The following FALEC variants were observed in gnomAD, a reference collection of about 807,000 sequenced individuals.
FALEC encodes focally amplified lncRNA regulator of ECM1, also known as focally amplified lncRNA on chromosome 1.
At chr1:150,531,221 A>G in the FALEC span, among the ~76,000 whole-genome samples, 1 of 152,240 alleles carries the variant, frequency 6.6e-6, no homozygotes, top group African/African-American at 2.4e-5. Flanking sequence ...TAGGCTGGGC[A>G]CAGTGGCTCA....
chr1:150,521,422 A>G (rs768235988), downstream of FALEC, among the ~76,000 whole-genome samples: 5 of 152,170 alleles, frequency 3.3e-5, no homozygotes, highest in African/African-American at 1.2e-4. Flanking sequence ...TTGTGGTGCA[A>G]TGGTACCTCA....
the FALEC span, among the ~76,000 whole-genome samples, chr1:150,525,679 C>A: frequency 6.6e-6 from 1 of 152,132 alleles, no homozygotes; most frequent in Admixed American, 6.6e-5. Flanking sequence ...ACAGTTACAG[C>A]TCATTTTGCC....
At chr1:150,518,362 T>A (rs1670597003), downstream of FALEC, among the ~76,000 whole-genome samples, 1 of 151,280 alleles carries the variant, frequency 6.6e-6, no homozygotes, top group Middle Eastern at 3.2e-3. Flanking sequence ...TTCCTTGTAG[T>A]CTAATCAGTC....
the FALEC span, among the ~76,000 whole-genome samples, chr1:150,533,430 C>CTTTTTTTTT: frequency 5.1e-5 from 5 of 97,678 alleles, no homozygotes; most frequent in Non-Finnish European, 7.8e-5. Flanking sequence ...AGAACCAGAG[C>CTTTTTTTTT]TTTTTTTTTT....
chr1:150,524,232 C>G, the FALEC span, among the ~76,000 whole-genome samples: 1 of 152,156 alleles, frequency 6.6e-6, no homozygotes, highest in Admixed American at 6.5e-5. Context: ...TCACTGCAGC[C>G]TTGAACTCAT....
chr1:150,523,729 G>A, the FALEC span, among the ~76,000 whole-genome samples: 1 of 151,964 alleles, frequency 6.6e-6, no homozygotes, highest in Admixed American at 6.6e-5. Context: ...AGTGTAGTGG[G>A]CTGAATAATG....
At chr1:150,525,358 T>TGGA in the FALEC span, among the ~76,000 whole-genome samples, 1 of 151,980 alleles carries the variant, frequency 6.6e-6, no homozygotes, top group Non-Finnish European at 1.5e-5. Flanking sequence ...CCAGCTACTC[T>TGGA]GGAGGCTGAG....
chr1:150,522,947 GTGTATATATATA>G (rs1281671698), downstream of FALEC, among the ~76,000 whole-genome samples: 21 of 13,858 alleles, frequency 1.5e-3, 1 homozygote, highest in African/African-American at 5.7e-3. Context: ...GTGTGTGTGT[GTGTATATATATA>G]TATATATATA....
chr1:150,525,948 G>C, the FALEC span, among the ~76,000 whole-genome samples: 54 of 152,220 alleles, frequency 3.5e-4, no homozygotes, highest in African/African-American at 1.1e-3. Flanking sequence ...AGCCATGTAC[G>C]TTTTATGTAA....
chr1:150,532,558 A>G, the FALEC span, among the ~76,000 whole-genome samples: 1 of 152,164 alleles, frequency 6.6e-6, no homozygotes, highest in Admixed American at 6.5e-5. Flanking sequence ...CTTTGCCTAG[A>G]ATGGGGGCCA....
At chr1:150,531,611 T>C in the FALEC span, among the ~76,000 whole-genome samples, 2 of 152,224 alleles carry the variant, frequency 1.3e-5, no homozygotes, top group African/African-American at 4.8e-5. Context: ...TTGCTATCTC[T>C]AGTGACAATC....
At chr1:150,526,251 A>G in the FALEC span, among the ~76,000 whole-genome samples, 19,524 of 151,554 alleles carry the variant, frequency 0.13, 1,299 homozygotes, top group African/African-American at 0.15. Flanking sequence ...TCAGGAGGCC[A>G]AGGCAGGAGA....
intron 1 of FALEC, among the ~76,000 whole-genome samples, chr1:150,516,755 G>A (rs1670574688): frequency 6.6e-6 from 1 of 152,182 alleles, no homozygotes; most frequent in Non-Finnish European, 1.5e-5. Context: ...TTGTTGAAAG[G>A]GAAGGATATA....
At chr1:150,517,210 T>G (rs1284369727) in intron 1 of FALEC, among the ~76,000 whole-genome samples, 2 of 150,612 alleles carry the variant, frequency 1.3e-5, no homozygotes, top group Non-Finnish European at 2.9e-5. Context: ...GGCAGAAGAA[T>G]TGCTTGAACC....
chr1:150,518,507 C>T (rs1382607829), downstream of FALEC, among the ~76,000 whole-genome samples: 4 of 151,718 alleles, frequency 2.6e-5, no homozygotes. Flanking sequence ...GCCTCAGTCT[C>T]CCAAGTAGCT....
chr1:150,529,700 C>T, the FALEC span, among the ~76,000 whole-genome samples: 20 of 152,162 alleles, frequency 1.3e-4, no homozygotes, highest in South Asian at 3.5e-3. Flanking sequence ...CGGGTTCACG[C>T]CATTCTCCTG....
At chr1:150,535,393 G>A in the FALEC span, among the ~76,000 whole-genome samples, 3 of 152,044 alleles carry the variant, frequency 2.0e-5, no homozygotes, top group Non-Finnish European at 4.4e-5. Context: ...ACAGGCGCCC[G>A]CCACCACGCC....
chr1:150,518,995 G>A (rs1670605568), downstream of FALEC, among the ~76,000 whole-genome samples: 1 of 152,162 alleles, frequency 6.6e-6, no homozygotes, highest in East Asian at 1.9e-4. Context: ...GGCAGAGGTT[G>A]CAGTGAGCTG....
downstream of FALEC, among the ~76,000 whole-genome samples, chr1:150,518,450 TCTCGG>T (rs1670598368): frequency 6.6e-6 from 1 of 151,696 alleles, no homozygotes; most frequent in African/African-American, 2.4e-5. Context: ...AATGGCGTGA[TCTCGG>T]CTCACCGCAA....
Sources: allele counts gnomAD v4.1 joint callset (sites outside exome capture counted in the v4.1 genomes callset), GRCh38; gene constraint gnomAD v4.1.1; transcripts MANE v1.5; gene names NCBI Gene and HGNC (gene_info 2026-07-23, HGNC 2026-07-21).